UBAC2: variants seen among roughly 807,000 people sequenced by gnomAD.
UBAC2 encodes ubiquitin-associated domain-containing protein 2.
Under a neutral mutation model 44.0 loss-of-function variants are expected in UBAC2, and 26 were observed. The ratio of observed to expected loss-of-function variants is 0.59; its 90% confidence interval spans 0.43 to 0.82. The LOEUF (loss-of-function observed/expected upper bound fraction) is 0.82, where lower values mean the gene tolerates loss of function less well. UBAC2 is among the 40% of genes least tolerant of loss of function. The probability of loss-of-function intolerance (pLI) is 0.00; values close to 1 mark genes in which losing one functional copy is unlikely to be tolerated. For missense variants in UBAC2, 329 were observed against 419.4 expected (o/e 0.78, Z 1.88); for synonymous variants, 155 against 154.3 (o/e 1.00, Z -0.04).
rs529708187 is a variant in UBAC2 at position 99,242,978 on chromosome 13, C to G, written c.160-854C>G. 2.4e-3 allele frequency among the ~76,000 whole-genome samples: 359 copies of G among 149,244 alleles called. 4 individuals carry two copies. Among genetic ancestry groups the G allele is most frequent in the South Asian group, 0.011 (51 of 4,674 alleles). On this transcript the variant is annotated intron_variant, in intron 2 of 8. Coordinates refer to ENST00000403766, the MANE Select transcript of UBAC2 (RefSeq NM_001144072.2). ...GGCGGCCGGGAAGAGGCGCTCCTCA[C>G]TTCCTAGATGGGATGGCGGCCGGGC... is the stretch of plus-strand genomic sequence containing the variant.
intron 1 of UBAC2, among the ~76,000 whole-genome samples, chr13:99,217,085 C>T (rs757186898): frequency 6.6e-6 from 1 of 152,188 alleles, no homozygotes; most frequent in Non-Finnish European, 1.5e-5. Flanking sequence ...CCTGCCTCGG[C>T]CTCCCAAAGT....
intron 8 of UBAC2, among the ~76,000 whole-genome samples, chr13:99,369,029 T>C (rs532304883): frequency 3.9e-5 from 6 of 152,014 alleles, no homozygotes; most frequent in African/African-American, 9.7e-5. Flanking sequence ...TCAGAATAAA[T>C]AAAGGATAGT....
intron 4 of UBAC2, among the ~76,000 whole-genome samples, chr13:99,250,643 C>A (rs993473083): frequency 1.3e-5 from 2 of 152,062 alleles, no homozygotes; most frequent in African/African-American, 4.8e-5. Flanking sequence ...AGCCTTAAAT[C>A]TGTAGATTGC....
chr13:99,231,697 C>T (rs964721506), intron 1 of UBAC2, among the ~76,000 whole-genome samples: 2 of 151,784 alleles, frequency 1.3e-5, no homozygotes, highest in Non-Finnish European at 2.9e-5. Context: ...AGATGTGAGC[C>T]ACCACGCCTG....
At chr13:99,383,465 T>C (rs1351820010) in intron 8 of UBAC2, among the ~76,000 whole-genome samples, 2 of 152,374 alleles carry the variant, frequency 1.3e-5, no homozygotes, top group East Asian at 3.9e-4. Flanking sequence ...GGTTTCTGCC[T>C]TTGCTCTACG....
chr13:99,254,911 C>A (rs770714276), intron 4 of UBAC2: 4 of 1,613,784 alleles, frequency 2.5e-6, no homozygotes, highest in African/African-American at 1.3e-5. Context: ...GCTTAGTGAC[C>A]GTAGACTACC....
At chr13:99,336,813 A>G (rs2086532699) in intron 6 of UBAC2, among the ~76,000 whole-genome samples, 1 of 152,140 alleles carries the variant, frequency 6.6e-6, no homozygotes, top group South Asian at 2.1e-4. Flanking sequence ...ACTAACTGTC[A>G]CAAAGCCTTG....
At chr13:99,355,591 T>C (rs1451802812) in intron 7 of UBAC2, among the ~76,000 whole-genome samples, 1 of 152,208 alleles carries the variant, frequency 6.6e-6, no homozygotes, top group Non-Finnish European at 1.5e-5. Flanking sequence ...AGCATTCTCA[T>C]TCTCTACCAA....
intron 8 of UBAC2, among the ~76,000 whole-genome samples, chr13:99,375,521 G>A (rs1351133842): frequency 6.6e-6 from 1 of 152,234 alleles, no homozygotes; most frequent in Non-Finnish European, 1.5e-5. Context: ...AGGATCGGGT[G>A]GGGGCCGTCT....
At chr13:99,203,868 G>T (rs2042836125) in intron 1 of UBAC2, among the ~76,000 whole-genome samples, 1 of 152,154 alleles carries the variant, frequency 6.6e-6, no homozygotes, top group Non-Finnish European at 1.5e-5. Context: ...TGAAGAAAGG[G>T]GACAGCAATA....
intron 7 of UBAC2, among the ~76,000 whole-genome samples, chr13:99,352,450 CTTCTTTCGCTGAGCTTCACGT>C (rs1224574891): frequency 6.6e-6 from 1 of 152,198 alleles, no homozygotes; most frequent in Non-Finnish European, 1.5e-5. Context: ...TTATGACTGG[CTTCTTTCGCTGAGCTTCACGT>C]TTCTGAGGTT....
rs181181484 is a variant in UBAC2 at position 99,287,168 on chromosome 13, T to C, written c.390-26929T>C. Among the ~76,000 whole-genome samples, 25 of 152,276 alleles carry C rather than the reference T, an allele frequency of 1.6e-4. No homozygotes were observed. In the East Asian group the frequency reaches 3.7e-3, roughly 22 times the overall value. The stretch of plus-strand genomic sequence containing the variant: ...TGGGACACTGGTTTCCATTTTTCAT[T>C]TTACCATGTGGTTCCTAAAATCTGC... On this transcript the variant is annotated intron_variant, in intron 4 of 8. Coordinates refer to ENST00000403766, the MANE Select transcript of UBAC2 (RefSeq NM_001144072.2).
intron 4 of UBAC2, among the ~76,000 whole-genome samples, chr13:99,282,670 G>A (rs148817092): frequency 6.6e-6 from 1 of 152,322 alleles, no homozygotes; most frequent in East Asian, 1.9e-4. Context: ...TACTTTAATA[G>A]TGAAGGGAAC....
Position 99,325,112 on chromosome 13 carries a change from T to C in UBAC2, c.561+7043T>C, listed in dbSNP as rs577954272. Among the ~76,000 whole-genome samples the C allele has an allele frequency of 3.9e-3, 571 of 146,302 alleles. 6 individuals are homozygous for C. Among genetic ancestry groups the C allele is most frequent in the African/African-American group, 0.014 (540 of 39,712 alleles). On this transcript the variant is annotated intron_variant, in intron 6 of 8. Coordinates refer to ENST00000403766, the MANE Select transcript of UBAC2 (RefSeq NM_001144072.2). ...GTGTCTATGCTCTTTTTTTTTTTTTTTTTTTTTTGATACGGAGTCTCTCAC... is the reference window on the plus strand; with the variant it reads ...GTGTCTATGCTCTTTTTTTTTTTTTCTTTTTTTTGATACGGAGTCTCTCAC...
intron 4 of UBAC2, among the ~76,000 whole-genome samples, chr13:99,286,185 C>G (rs1343440256): frequency 6.6e-6 from 1 of 152,232 alleles, no homozygotes; most frequent in Admixed American, 6.5e-5. Flanking sequence ...GACAAGATTT[C>G]TGTTATCTAT....
At chr13:99,347,155 C>A (rs572158515) in intron 7 of UBAC2, among the ~76,000 whole-genome samples, 1 of 151,516 alleles carries the variant, frequency 6.6e-6, no homozygotes, top group African/African-American at 2.4e-5. Flanking sequence ...CTTGAGAGAA[C>A]AGTAGAAAGC....
intron 6 of UBAC2, among the ~76,000 whole-genome samples, chr13:99,339,091 C>T (rs1018734470): frequency 3.3e-5 from 5 of 152,162 alleles, no homozygotes; most frequent in East Asian, 3.8e-4. Flanking sequence ...ATCCTTATCT[C>T]GACCTTTTCC....
chr13:99,261,156 G>A (rs753867005), intron 4 of UBAC2, among the ~76,000 whole-genome samples: 8 of 152,164 alleles, frequency 5.3e-5, no homozygotes, highest in Non-Finnish European at 1.0e-4. Context: ...CCATCAGTGC[G>A]GGGACCAGGG....
chr13:99,202,870 G>A (rs2182885), intron 1 of UBAC2, among the ~76,000 whole-genome samples: 69,755 of 151,958 alleles, frequency 0.46, 18,426 homozygotes, highest in Non-Finnish European at 0.61. Context: ...TGGGAATGCA[G>A]CAACGAACAG....
Sources: allele counts gnomAD v4.1 joint callset (sites outside exome capture counted in the v4.1 genomes callset), GRCh38; gene constraint gnomAD v4.1.1; transcripts MANE v1.5; gene names NCBI Gene and HGNC (gene_info 2026-07-23, HGNC 2026-07-21).